RYR2: variants seen among roughly 807,000 people sequenced by gnomAD.
RYR2 encodes ryanodine receptor 2.
In RYR2, 227 loss-of-function variants were observed where a neutral mutation model predicts 601.1. The ratio of observed to expected loss-of-function variants is 0.38; its 90% confidence interval spans 0.34 to 0.42. RYR2 has a LOEUF of 0.42. RYR2 is among the 10% of genes least tolerant of loss of function. The probability of loss-of-function intolerance (pLI) is 1.00; values close to 1 mark genes in which losing one functional copy is unlikely to be tolerated. For synonymous variants in RYR2, 2,223 were observed against 2,175.1 expected, an observed-to-expected ratio of 1.02 and a Z score of -0.61; for missense variants, 4,646 against 6,156.5, an observed-to-expected ratio of 0.75 and a Z score of 8.21.
chr1:237,053,438 T>C (rs1389673010), intron 1 of RYR2, among the ~76,000 whole-genome samples: 1 of 152,180 alleles, frequency 6.6e-6, no homozygotes, highest in Non-Finnish European at 1.5e-5. Context: ...GGGGGTGTCA[T>C]TATTAAGTCT....
chr1:237,469,971 G>A (rs760037926), intron 17 of RYR2, among the ~76,000 whole-genome samples: 15 of 152,174 alleles, frequency 9.9e-5, no homozygotes, highest in Non-Finnish European at 2.1e-4. Flanking sequence ...GAACTTGTTA[G>A]AGCTCTCTAG....
intron 101 of RYR2, among the ~76,000 whole-genome samples, chr1:237,827,415 G>C (rs779408153): frequency 6.6e-6 from 1 of 151,990 alleles, no homozygotes; most frequent in African/African-American, 2.4e-5. Flanking sequence ...CGAGAGGATC[G>C]CTTGAGCCCA....
chr1:237,779,265 G>A (rs1164935542), intron 88 of RYR2, among the ~76,000 whole-genome samples: 4 of 152,148 alleles, frequency 2.6e-5, no homozygotes, highest in African/African-American at 9.7e-5. Flanking sequence ...CTATTATATG[G>A]ATAAGCAAAT....
At chr1:237,099,967 G>A (rs778674947) in intron 1 of RYR2, among the ~76,000 whole-genome samples, 4 of 152,176 alleles carry the variant, frequency 2.6e-5, no homozygotes, top group Admixed American at 6.5e-5. Flanking sequence ...CTCTGCAGCC[G>A]TGCCTTCCAG....
Position 237,783,739 on chromosome 1 carries a change from C to T in RYR2, c.12027C>T (p.Asn4009=), listed in dbSNP as rs763374929. The T allele has an allele frequency of 3.7e-5, 59 of 1,612,344 alleles. No individual in the cohort carries two copies. Among genetic ancestry groups the T allele is most frequent in the South Asian group, 3.3e-5 (3 of 90,676 alleles). ...MVDMLVESSN[N]VEMILKFFDM... is the part of the protein sequence containing the mutation. ...ATATGCTTGTGGAATCTTCCAACAACGTGGAGATGATTCTCAAATTTTTTG... is the reference window on the plus strand; with the variant it reads ...ATATGCTTGTGGAATCTTCCAACAATGTGGAGATGATTCTCAAATTTTTTG... The change falls in exon 90 of 105, where the codon AAC becomes AAT. Residue 4009 remains asparagine (N), a synonymous_variant. Coordinates refer to ENST00000366574, the MANE Select transcript of RYR2 (RefSeq NM_001035.3).
chr1:237,114,039 T>C (rs1383768366), intron 1 of RYR2, among the ~76,000 whole-genome samples: 2 of 152,216 alleles, frequency 1.3e-5, no homozygotes, highest in Non-Finnish European at 2.9e-5. Context: ...TGGGCATTTC[T>C]TTAGAAAGGG....
chr1:237,429,766 A>C lies in RYR2; in HGVS notation c.1005+6518A>C, dbSNP rs147087178. On this transcript the variant is annotated intron_variant, in intron 12 of 104. Coordinates refer to ENST00000366574, the MANE Select transcript of RYR2 (RefSeq NM_001035.3). ...TACTTATATAGCCTTTCATCTGTTGATCTATGTATTTTTAAGTTGTGGTTG... is the reference window on the plus strand; with the variant it reads ...TACTTATATAGCCTTTCATCTGTTGCTCTATGTATTTTTAAGTTGTGGTTG... 5.5e-3 allele frequency among the ~76,000 whole-genome samples: 838 copies of C among 152,196 alleles called. 13 individuals carry two copies. Among genetic ancestry groups the C allele is most frequent in the African/African-American group, 0.019 (805 of 41,534 alleles).
At chr1:237,774,664 T>A in intron 87 of RYR2, among the ~76,000 whole-genome samples, 1 of 152,216 alleles carries the variant, frequency 6.6e-6, no homozygotes, top group East Asian at 1.9e-4. Flanking sequence ...TCAGTTTTGG[T>A]CTACTCACAG....
intron 1 of RYR2, among the ~76,000 whole-genome samples, chr1:237,257,022 T>C (rs763225444): frequency 6.6e-6 from 1 of 152,348 alleles, no homozygotes; most frequent in East Asian, 1.9e-4. Context: ...TTTGTTGTCA[T>C]TGACACTATT....
At chr1:237,622,356 A>G (rs955317755) in intron 38 of RYR2, among the ~76,000 whole-genome samples, 1 of 152,190 alleles carries the variant, frequency 6.6e-6, no homozygotes, top group Non-Finnish European at 1.5e-5. Flanking sequence ...AAAATCCAAA[A>G]CATTTTGAGC....
chr1:237,138,601 T>C (rs1673059998), intron 1 of RYR2, among the ~76,000 whole-genome samples: 1 of 152,024 alleles, frequency 6.6e-6, no homozygotes, highest in Admixed American at 6.5e-5. Context: ...AACCACAATA[T>C]AAAAACAAAC....
chr1:237,081,512 C>CAT lies in RYR2; in HGVS notation c.48+38959_48+38960dup, dbSNP rs5781933. On this transcript the variant is annotated intron_variant, in intron 1 of 104. Transcript: ENST00000366574. ...TATACATATATAAATACACCCCCCA[C>CAT]ATATATATATATATATACATGCATG... Among the ~76,000 whole-genome samples the CAT allele has an allele frequency of 4.9e-3, 726 of 148,644 alleles. 2 individuals are homozygous for CAT. The highest frequency in any genetic ancestry group is 0.016 in the South Asian group (76 of 4,696).
chr1:237,112,826 T>G (rs999556087), intron 1 of RYR2, among the ~76,000 whole-genome samples: 1 of 152,198 alleles, frequency 6.6e-6, no homozygotes, highest in Admixed American at 6.5e-5. Flanking sequence ...TCCTATTTGG[T>G]TTATGCTCCA....
At position 237,584,124 on chromosome 1, in the gene RYR2, A is replaced by T. The variant is rs533711080; in HGVS notation, c.3599-5669A>T. Among the ~76,000 whole-genome samples the T allele has an allele frequency of 2.0e-5, 3 of 152,304 alleles. No individual in the cohort carries two copies. The East Asian group carries it at 5.8e-4, about 29-fold the overall frequency. On this transcript the variant is annotated intron_variant, in intron 29 of 104. Coordinates refer to ENST00000366574, the MANE Select transcript of RYR2 (RefSeq NM_001035.3). ...GTCAATTAAGGTAACTGGATAGAAGATCAAGAACACAAAGGACAGGAAGGT... is the reference window on the plus strand; with the variant it reads ...GTCAATTAAGGTAACTGGATAGAAGTTCAAGAACACAAAGGACAGGAAGGT...
At chr1:237,755,964 T>C (rs530320060) in intron 80 of RYR2, among the ~76,000 whole-genome samples, 1 of 152,130 alleles carries the variant, frequency 6.6e-6, no homozygotes, top group South Asian at 2.1e-4. Flanking sequence ...AATGTATAAA[T>C]CAGAAAGTGC....
chr1:237,123,650 ATTTTTTTTTTTT>A (rs869177997), intron 1 of RYR2, among the ~76,000 whole-genome samples: 202 of 78,976 alleles, frequency 2.6e-3, no homozygotes, highest in South Asian at 0.024. Flanking sequence ...ATCAGTCACT[ATTTTTTTTTTTT>A]TTTTTTTTTT....
intron 14 of RYR2, among the ~76,000 whole-genome samples, chr1:237,447,151 G>A (rs968616125): frequency 1.3e-5 from 2 of 152,164 alleles, no homozygotes; most frequent in Non-Finnish European, 2.9e-5. Flanking sequence ...GTATTCAGTG[G>A]CACTGCAGAG....
Position 237,757,752 on chromosome 1 carries a change from T to C in RYR2, c.11301T>C (p.Asn3767=). Residue 3767 remains asparagine, a synonymous_variant, in exon 82 of 105, where the codon AAT becomes AAC. Transcript: ENST00000366574. ...ATLKLGIAIL[N]GGNSTVQQKM... ...TGAAACTTGGAATTGCTATTTTAAA[T>C]GGTGGGAACTCCACAGTACAGCAGG... The C allele has an allele frequency of 6.2e-7, 1 of 1,610,624 alleles. No homozygotes were observed. The highest frequency in any genetic ancestry group is 8.5e-7 in the Non-Finnish European group (1 of 1,176,912).
chr1:237,439,513 G>A (rs1461127362), intron 12 of RYR2, among the ~76,000 whole-genome samples: 1 of 151,828 alleles, frequency 6.6e-6, no homozygotes, highest in East Asian at 1.9e-4. Flanking sequence ...GTGTGGTGGT[G>A]GGCGCCTGTC....
Sources: allele counts gnomAD v4.1 joint callset (sites outside exome capture counted in the v4.1 genomes callset), GRCh38; gene constraint gnomAD v4.1.1; transcripts MANE v1.5; gene names NCBI Gene and HGNC (gene_info 2026-07-23, HGNC 2026-07-21).